Variants in FAM117A observed in about 807,000 individuals in gnomAD.
FAM117A encodes family with sequence similarity 117 member A.
A neutral mutation model predicts 44.1 loss-of-function variants in FAM117A; 21 were observed. The ratio of observed to expected loss-of-function variants is 0.48; its 90% confidence interval spans 0.34 to 0.69. The LOEUF is 0.69. Ranked by LOEUF, FAM117A falls within the 30% of genes least tolerant of loss-of-function variation. The pLI is 0.01. For missense variants in FAM117A, 498 were observed against 589.9 expected (o/e 0.84, Z 1.61); for synonymous variants, 220 against 238.3 (o/e 0.92, Z 0.71).
chr17:49,734,826 A>G (rs2073603530), intron 1 of FAM117A, among the ~76,000 whole-genome samples: 1 of 152,220 alleles, frequency 6.6e-6, no homozygotes, highest in Non-Finnish European at 1.5e-5. Flanking sequence ...CAGCACATCC[A>G]TACTGTGGAA....
chr17:49,778,692 TCCAA>T (rs1337002940), intron 1 of FAM117A, among the ~76,000 whole-genome samples: 1 of 152,214 alleles, frequency 6.6e-6, no homozygotes, highest in Non-Finnish European at 1.5e-5. Context: ...CATGCATACA[TCCAA>T]TAGTTATTGA....
chr17:49,733,001 T>G (rs901571379), intron 1 of FAM117A: 4 of 388,124 alleles, frequency 1.0e-5, no homozygotes, highest in Non-Finnish European at 1.9e-5. Context: ...CTGCTCCTAA[T>G]GGACTATGAA....
intron 1 of FAM117A, among the ~76,000 whole-genome samples, chr17:49,783,021 G>A (rs994891195): frequency 6.6e-6 from 1 of 152,182 alleles, no homozygotes; most frequent in African/African-American, 2.4e-5. Context: ...TTCCACCCCG[G>A]CAAATAGAGC....
intron 5 of FAM117A, 52 bp downstream of exon 5, chr17:49,719,702 CGCCCAG>C: frequency 6.8e-7 from 1 of 1,481,312 alleles, no homozygotes; most frequent in East Asian, 2.6e-5. Flanking sequence ...CAGTTCCCCT[CGCCCAG>C]GCCAAGTGAG....
intron 1 of FAM117A, among the ~76,000 whole-genome samples, chr17:49,787,243 T>C (rs1362596686): frequency 6.6e-6 from 1 of 152,164 alleles, no homozygotes; most frequent in Non-Finnish European, 1.5e-5. Context: ...GAGTAATGTA[T>C]GAAATTAAAT....
chr17:49,778,553 T>C (rs1181755853), intron 1 of FAM117A, among the ~76,000 whole-genome samples: 3 of 152,260 alleles, frequency 2.0e-5, no homozygotes, highest in Non-Finnish European at 4.4e-5. Flanking sequence ...TCCCCGACTC[T>C]GATATATCTT....
Position 49,782,700 on chromosome 17 carries a change from A to AAC in FAM117A, c.-621+5796_-621+5797insGT, listed in dbSNP as rs1275922105. On this transcript the variant is annotated intron_variant, in intron 1 of 7. Transcript: ENST00000513602. ...GCTAGACTTTGTCTCAAAAAAAAAAAAAAAAAAAAAACCCTTTGTGGCGGC... is the reference window on the plus strand; with the variant it reads ...GCTAGACTTTGTCTCAAAAAAAAAAAACAAAAAAAAAAACCCTTTGTGGCGGC... Among the ~76,000 whole-genome samples the AAC allele has an allele frequency of 3.5e-4, 44 of 125,258 alleles. 1 individual carries two copies. The highest frequency in any genetic ancestry group is 3.7e-4 in the Non-Finnish European group (19 of 51,718). The allele number at this position is 125,258 out of a possible 152,430, so 82.2% of individuals were successfully genotyped here.
chr17:49,755,049 A>AC (rs2073693314), intron 1 of FAM117A, among the ~76,000 whole-genome samples: 1 of 151,784 alleles, frequency 6.6e-6, no homozygotes, highest in African/African-American at 2.4e-5. Flanking sequence ...AAAAAAAAAA[A>AC]AAAAAAAAAA....
chr17:49,785,248 A>G (rs79342774), intron 1 of FAM117A, among the ~76,000 whole-genome samples: 1 of 152,206 alleles, frequency 6.6e-6, no homozygotes, highest in Non-Finnish European at 1.5e-5. Context: ...GGCATGGCTC[A>G]TGCCTGTAAT....
At chr17:49,712,978 G>A (rs576207023) in intron 7 of FAM117A, among the ~76,000 whole-genome samples, 4 of 152,298 alleles carry the variant, frequency 2.6e-5, no homozygotes, top group African/African-American at 9.6e-5. Context: ...CTAGGTGCAA[G>A]TAATCCTCCT....
chr17:49,763,960 G>A lies in FAM117A; in HGVS notation c.128C>T (p.Pro43Leu). The change falls in exon 1 of 8, where the codon CCG becomes CTG. Residue 43 changes from proline to leucine, a missense_variant. Pro to Leu is a moderately conservative substitution (Grantham distance 98). This residue lies in a region of FAM117A where 270 missense variants were observed against 277.4 expected (regional missense o/e 0.97). Coordinates refer to ENST00000240364, the MANE Select transcript of FAM117A (RefSeq NM_030802.4). ...CTGGAAGGGGATCGTGGCCCTGAGC[G>A]GCTGCAGCCCAGCCCGGGGGGAGCC... ...PAGSPRAGLQ[P>L]LRATIPFQLQ... The A allele has an allele frequency of 8.1e-7, 1 of 1,233,146 alleles. No homozygotes were observed. Among genetic ancestry groups the A allele is most frequent in the Non-Finnish European group, 1.0e-6 (1 of 989,204 alleles). The allele number at this position is 1,233,146 out of a possible 1,614,324, so 76.4% of individuals were successfully genotyped here. A position where few individuals can be genotyped will look rare whatever the true frequency, so the allele number is the denominator to read the frequency against.
rs74562078 is a variant in FAM117A at position 49,782,689 on chromosome 17, C to CAAAA, written c.-621+5804_-621+5807dup. Among the ~76,000 whole-genome samples the CAAAA allele has an allele frequency of 2.5e-4, 14 of 56,158 alleles. No homozygotes were observed. In the East Asian group the frequency reaches 4.6e-3, roughly 18 times the overall value. The allele number at this position is 56,158 out of a possible 152,430, so 36.8% of individuals were successfully genotyped here. ...TGGGTGACAGAGCTAGACTTTGTCT[C>CAAAA]AAAAAAAAAAAAAAAAAAAAAACCC... On this transcript the variant is annotated intron_variant, in intron 1 of 7. Transcript: ENST00000513602.
At chr17:49,738,379 C>CA (rs1243195290) in intron 1 of FAM117A, among the ~76,000 whole-genome samples, 2 of 151,702 alleles carry the variant, frequency 1.3e-5, no homozygotes, top group East Asian at 1.9e-4. Context: ...CCTCCATATA[C>CA]AAAAAAATGT....
intron 2 of FAM117A, among the ~76,000 whole-genome samples, chr17:49,729,599 G>A (rs536002104): frequency 3.3e-5 from 5 of 151,036 alleles, no homozygotes; most frequent in South Asian, 2.1e-4. Flanking sequence ...CTCTGCCTCC[G>A]GGTTCAAGCG....
At chr17:49,724,603 C>T (rs1207134889) in intron 2 of FAM117A, 7 of 409,338 alleles carry the variant, frequency 1.7e-5, no homozygotes, top group East Asian at 7.2e-5. Flanking sequence ...GAGACTGAGG[C>T]GGGTGGATCA....
At chr17:49,743,399 C>T (rs866223201) in intron 1 of FAM117A, among the ~76,000 whole-genome samples, 6 of 151,996 alleles carry the variant, frequency 3.9e-5, no homozygotes, top group East Asian at 1.9e-4. Flanking sequence ...AGCTTGAGAC[C>T]GACCTGGGCA....
upstream of FAM117A, among the ~76,000 whole-genome samples, chr17:49,767,957 T>A (rs577010980): frequency 1.1e-3 from 173 of 152,182 alleles, no homozygotes; most frequent in African/African-American, 4.0e-3. Flanking sequence ...TATCAATAAT[T>A]TTTTTTAATC....
At chr17:49,732,799 G>A (rs574575840) in intron 1 of FAM117A, 79 bp from the exon 2 acceptor site, 47 of 1,467,514 alleles carry the variant, frequency 3.2e-5, no homozygotes, top group Non-Finnish European at 4.1e-5. Context: ...TCTTCTAAGA[G>A]ATGTGGCCTG....
intron 1 of FAM117A, among the ~76,000 whole-genome samples, chr17:49,756,573 G>T (rs1426162339): frequency 6.7e-6 from 1 of 149,740 alleles, no homozygotes; most frequent in Non-Finnish European, 1.5e-5. Flanking sequence ...GGCATTACTG[G>T]ATTCCAACCT....
Sources: gnomAD v4.1 joint callset for allele counts (sites outside exome capture counted in the v4.1 genomes callset) on GRCh38, gnomAD v4.1.1 for gene constraint, gnomAD v4.1.1 regional missense constraint, MANE v1.5 for transcripts, NCBI Gene and HGNC (gene_info 2026-07-23, HGNC 2026-07-21) for gene names.